SLC11A2: variants seen among roughly 807,000 people sequenced by gnomAD.
SLC11A2 encodes the protein solute carrier family 11 member 2, also known as natural resistance-associated macrophage protein 2.
A neutral mutation model predicts 68.0 loss-of-function variants in SLC11A2; 38 were observed. That is an observed-to-expected ratio of 0.56 (90% CI 0.43 to 0.73). SLC11A2 has a LOEUF of 0.73. Among genes scored for constraint, SLC11A2 ranks in the 30% least tolerant of loss-of-function variants. SLC11A2 has a pLI of 0.00. For missense variants in SLC11A2, 517 were observed against 690.5 expected (o/e 0.75, Z 2.82); for synonymous variants, 242 against 250.6 (o/e 0.97, Z 0.32).
At chr12:50,963,469 A>G in the SLC11A2 span, among the ~76,000 whole-genome samples, 2 of 152,062 alleles carry the variant, frequency 1.3e-5, no homozygotes, top group Non-Finnish European at 2.9e-5. Flanking sequence ...TACACAGGAC[A>G]GACTGGAACC....
intron 14 of SLC11A2, 124 bp from the exon 15 acceptor site, chr12:50,991,072 A>G (rs1941101743): frequency 1.1e-6 from 1 of 891,090 alleles, no homozygotes; most frequent in Non-Finnish European, 1.8e-6. Context: ...AATTTGAAAA[A>G]AAATGATTCT....
the SLC11A2 span, among the ~76,000 whole-genome samples, chr12:50,966,999 C>G: frequency 1.3e-5 from 2 of 152,096 alleles, no homozygotes; most frequent in African/African-American, 4.8e-5. Flanking sequence ...TGCCTGTAAT[C>G]CCTGCTACTC....
chr12:50,981,694 A>G (rs1183804531), downstream of SLC11A2: 5 of 1,440,044 alleles, frequency 3.5e-6, no homozygotes, highest in Admixed American at 9.8e-5. Context: ...GCTTAGAAAA[A>G]CATGTTCTTA....
chr12:51,027,825 G>A (rs1436515174), upstream of SLC11A2, among the ~76,000 whole-genome samples: 3 of 148,028 alleles, frequency 2.0e-5, no homozygotes, highest in Non-Finnish European at 1.5e-5. Context: ...ATTAGTAAGA[G>A]AGACCAAGAA....
chr12:51,018,869 C>A (rs1943849341), intron 1 of SLC11A2, among the ~76,000 whole-genome samples: 1 of 152,188 alleles, frequency 6.6e-6, no homozygotes, highest in Non-Finnish European at 1.5e-5. Context: ...TTTCACTAGT[C>A]TTACAGCTGA....
downstream of SLC11A2, among the ~76,000 whole-genome samples, chr12:50,982,977 C>A (rs1403691259): frequency 6.6e-6 from 1 of 151,094 alleles, no homozygotes; most frequent in Non-Finnish European, 1.5e-5. Flanking sequence ...CCAGACTCCA[C>A]TCCTAAAGAA....
rs760783598 is a variant in SLC11A2 at position 50,988,415 on chromosome 12, T to G, written c.1596A>C (p.Ala532=). The G allele has an allele frequency of 2.2e-5, 35 of 1,613,880 alleles. No individual in the cohort carries two copies. In the East Asian group the frequency reaches 6.5e-4, roughly 30 times the overall value. ...VFYLGWQCLI[A]LGMSFLDCGH... is the part of the protein sequence containing the mutation. Reference sequence around the variant, plus strand: ...CACAGTCCAGGAAGGACATGCCCAGTGCAATCAAACATTGCCAACCCTGAA... The same window carrying G: ...CACAGTCCAGGAAGGACATGCCCAGGGCAATCAAACATTGCCAACCCTGAA... Residue 532 remains alanine (A), a synonymous_variant, in exon 16 of 16, where the codon GCA becomes GCC. Coordinates refer to ENST00000262052, the MANE Select transcript of SLC11A2 (RefSeq NM_000617.3).
chr12:50,988,694 C>CT (rs954454901), intron 15 of SLC11A2, among the ~76,000 whole-genome samples: 7 of 151,790 alleles, frequency 4.6e-5, no homozygotes, highest in Non-Finnish European at 8.8e-5. Flanking sequence ...TGTGGTTTTC[C>CT]TTTTTTTTAA....
downstream of SLC11A2, among the ~76,000 whole-genome samples, chr12:50,978,360 G>A (rs1256437853): frequency 2.0e-5 from 3 of 151,710 alleles, no homozygotes; most frequent in African/African-American, 7.3e-5. Context: ...GATGAAGCCG[G>A]AAACCATCAT....
the SLC11A2 span, among the ~76,000 whole-genome samples, chr12:50,970,125 G>A: frequency 6.6e-6 from 1 of 152,148 alleles, no homozygotes; most frequent in Non-Finnish European, 1.5e-5. Context: ...ATAAATGTTT[G>A]CTAATTGAGA....
chr12:51,010,579 G>T, intron 2 of SLC11A2, 116 bp downstream of exon 2: 1 of 664,156 alleles, frequency 1.5e-6, no homozygotes, highest in Non-Finnish European at 2.8e-6. Flanking sequence ...TTTGAATGGA[G>T]TTGTTAGAAT....
the SLC11A2 span, among the ~76,000 whole-genome samples, chr12:50,969,577 T>C: frequency 1.3e-5 from 2 of 151,696 alleles, no homozygotes; most frequent in African/African-American, 4.8e-5. Flanking sequence ...GTGGTGCCTG[T>C]AATCCCAGCT....
upstream of SLC11A2, chr12:51,028,302 G>A (rs1237783674): frequency 1.7e-6 from 2 of 1,161,860 alleles, no homozygotes; most frequent in Admixed American, 2.1e-5. Context: ...CCCTCAGTTA[G>A]ATAAAGGGCA....
chr12:50,978,217 CAAT>C (rs1489570240), downstream of SLC11A2, among the ~76,000 whole-genome samples: 1 of 150,222 alleles, frequency 6.7e-6, no homozygotes, highest in Admixed American at 6.7e-5. Context: ...GCACTATTCA[CAAT>C]AGCAAAGACC....
chr12:51,004,689 C>G, intron 5 of SLC11A2, 99 bp downstream of exon 5: 1 of 1,376,626 alleles, frequency 7.3e-7, no homozygotes. Flanking sequence ...ACCCCCAAGT[C>G]CTTGACTGTC....
chr12:50,997,986 C>T (rs1369221993), intron 8 of SLC11A2, among the ~76,000 whole-genome samples: 1 of 136,752 alleles, frequency 7.3e-6, no homozygotes. Context: ...GACTCCATCT[C>T]AAAAAAAAAA....
the SLC11A2 span, among the ~76,000 whole-genome samples, chr12:50,967,680 G>A: frequency 0.13 from 19,359 of 152,098 alleles, 2,260 homozygotes; most frequent in African/African-American, 0.31. Context: ...AAATCTAAAC[G>A]GATCAGAGAA....
downstream of SLC11A2, among the ~76,000 whole-genome samples, chr12:50,976,229 T>C (rs1232934497): frequency 6.6e-6 from 1 of 152,196 alleles, no homozygotes; most frequent in Non-Finnish European, 1.5e-5. Flanking sequence ...TGAACATTGA[T>C]GCAAAAATCC....
Position 50,996,870 on chromosome 12 carries a change from C to G in SLC11A2, c.778G>C (p.Val260Leu). ...TPQIEQAVGI[V>L]GAVIMPHNMY... ...TTGTGTGGCATGATGACAGCTCCCA[C>G]GATGCCCACAGCCTGTTCAATCTGT... The change falls in exon 9 of 16, where the codon GTG becomes CTG. Residue 260 changes from valine to leucine, a missense_variant. Transcript: ENST00000262052. 1 of 1,614,088 alleles carries G rather than the reference C, an allele frequency of 6.2e-7. No homozygotes were observed. Among genetic ancestry groups the G allele is most frequent in the Non-Finnish European group, 8.5e-7 (1 of 1,179,992 alleles).
Sources: gnomAD v4.1 joint callset for allele counts (sites outside exome capture counted in the v4.1 genomes callset) on GRCh38, gnomAD v4.1.1 for gene constraint, MANE v1.5 for transcripts, NCBI Gene and HGNC (gene_info 2026-07-23, HGNC 2026-07-21) for gene names.